The following SYDE2 variants were observed in gnomAD, a reference collection of about 807,000 sequenced individuals.
SYDE2 encodes synapse defective Rho GTPase homolog 2.
SYDE2 carries 76 observed loss-of-function variants against 91.5 expected under a neutral mutation model. That is an observed-to-expected ratio of 0.83 (90% CI 0.69 to 1.01). The LOEUF (loss-of-function observed/expected upper bound fraction) is 1.01, where lower values mean the gene tolerates loss of function less well. Among genes scored for constraint, SYDE2 ranks in the 50% least tolerant of loss-of-function variants. SYDE2 has a pLI of 0.00. For synonymous variants in SYDE2, 513 were observed against 506.4 expected (o/e 1.01, Z -0.18); for missense variants, 1,364 against 1,367.7 (o/e 1.00, Z 0.04).
At chr1:85,167,921 C>T (rs1657351322) in intron 5 of SYDE2, among the ~76,000 whole-genome samples, 3 of 151,878 alleles carry the variant, frequency 2.0e-5, no homozygotes, top group African/African-American at 7.3e-5. Context: ...TGGGACCAGC[C>T]TGGCCAACAT....
Position 85,200,920 on chromosome 1 carries a change from G to A in SYDE2, c.77C>T (p.Ala26Val), listed in dbSNP as rs1046296605. The change falls in exon 1 of 7, where the codon GCC (alanine) becomes GTC (valine). Residue 26 changes from alanine to valine, a missense_variant. Physicochemically the swap from Ala to Val is moderately conservative, Grantham distance 64. Coordinates refer to ENST00000341460, the MANE Select transcript of SYDE2 (RefSeq NM_032184.2). The stretch of plus-strand genomic sequence containing the variant: ...GGAAGGCGGCTGGCCCGGAGCCCGG[G>A]CTCCCGCGGGGAAGCTGTGATCCGC... Reference protein sequence around the residue: ...GLADHSFPAGARAPGQPPSRG... With the variant: ...GLADHSFPAGVRAPGQPPSRG... 2 of 1,320,528 alleles carry A rather than the reference G, an allele frequency of 1.5e-6. No homozygotes were observed. Among genetic ancestry groups the A allele is most frequent in the Non-Finnish European group, 1.9e-6 (2 of 1,044,382 alleles). The allele number at this position is 1,320,528 out of a possible 1,614,324, so 81.8% of individuals were successfully genotyped here.
At chr1:85,196,710 G>A (rs1658600332) in intron 1 of SYDE2, among the ~76,000 whole-genome samples, 1 of 151,760 alleles carries the variant, frequency 6.6e-6, no homozygotes, top group Non-Finnish European at 1.5e-5. Context: ...TATAACTATT[G>A]CTACTCACCT....
Position 85,200,335 on chromosome 1 carries a change from G to A in SYDE2, c.662C>T (p.Ala221Val). 1 of 1,614,014 alleles carries A rather than the reference G, an allele frequency of 6.2e-7. No individual in the cohort carries two copies. Among genetic ancestry groups the A allele is most frequent in the Non-Finnish European group, 8.5e-7 (1 of 1,179,906 alleles). ...GTAPKVTGTQ[A>V]ASPNVGALKV... Reference sequence around the variant, plus strand: ...CAAAGCGCCCACATTTGGGGAGGCTGCCTGCGTTCCTGTGACTTTGGGAGC... The same window carrying A: ...CAAAGCGCCCACATTTGGGGAGGCTACCTGCGTTCCTGTGACTTTGGGAGC... The change falls in exon 1 of 7, where the codon GCA becomes GTA. Residue 221 changes from alanine (A) to valine (V), a missense_variant. Coordinates refer to ENST00000341460, the MANE Select transcript of SYDE2 (RefSeq NM_032184.2).
Position 85,182,887 on chromosome 1 carries a change from C to T in SYDE2, c.1755G>A (p.Lys585=), listed in dbSNP as rs545541943. 457 of 1,613,656 alleles carry T rather than the reference C, an allele frequency of 2.8e-4. 3 individuals carry two copies. The South Asian group carries it at 4.9e-3, about 17-fold the overall frequency. ...LPSGNTTTAA[K]RNVISRYHLD... ...GATGGTATCGGCTTATAACATTCCT[C>T]TTAGCAGCGGTGGTTGTGTTCCCAG... Residue 585 remains lysine (K), a synonymous_variant, in exon 3 of 7, where the codon AAG becomes AAA. Transcript: ENST00000341460.
rs776144220 is a variant in SYDE2 at position 85,183,212 on chromosome 1, G to A, written c.1442-12C>T. 6.6e-7 allele frequency: 1 copy of A among 1,522,300 alleles called. No homozygotes were observed. The highest frequency in any genetic ancestry group is 1.4e-5 in the African/African-American group (1 of 71,516). 94.3% of individuals were successfully genotyped at this position (1,522,300 alleles called of 1,614,324 possible). ...CAGGATCCCAGAACCTTAAAAGAAA[G>A]AAAGAAAAATACGTTATAAAGCAAT... is the stretch of plus-strand genomic sequence containing the variant. On this transcript the variant is annotated splice_polypyrimidine_tract_variant and intron_variant, in intron 2 of 6. Transcript: ENST00000341460.
intron 4 of SYDE2, 86 bp downstream of exon 4, chr1:85,178,060 A>C: frequency 8.8e-7 from 1 of 1,134,880 alleles, no homozygotes; most frequent in Non-Finnish European, 1.2e-6. Flanking sequence ...AACAAATTAA[A>C]TTTCAGCTAC....
chr1:85,181,963 T>C, intron 3 of SYDE2, 135 bp downstream of exon 3: 5 of 964,302 alleles, frequency 5.2e-6, no homozygotes, highest in South Asian at 2.0e-5. Flanking sequence ...TAAACAGTAA[T>C]GGAATAAAAA....
intron 5 of SYDE2, among the ~76,000 whole-genome samples, chr1:85,165,221 G>A (rs150149321): frequency 1.3e-5 from 2 of 152,206 alleles, no homozygotes; most frequent in Admixed American, 6.5e-5. Flanking sequence ...GTGGCTGAAC[G>A]AGACCCTGTC....
rs999900951 is a variant in SYDE2 at position 85,157,021 on chromosome 1, T to C, written c.*1729A>G. On this transcript the variant is annotated 3_prime_UTR_variant, in exon 7 of 7. Coordinates refer to ENST00000341460, the MANE Select transcript of SYDE2 (RefSeq NM_032184.2). ...CTGTTTACTCAATATATATGTTCTC[T>C]TGGTATTCTTCTGAATTGTTAACAC... is the stretch of plus-strand genomic sequence containing the variant. 1.4e-4 allele frequency: 22 copies of C among 152,178 alleles called. No homozygotes were observed. Among genetic ancestry groups the C allele is most frequent in the African/African-American group, 5.1e-4 (21 of 41,580 alleles). The allele number at this position is 152,178 out of a possible 1,614,324, so 9.4% of individuals were successfully genotyped here.
At chr1:85,172,954 T>C (rs967267834) in intron 4 of SYDE2, among the ~76,000 whole-genome samples, 7 of 152,170 alleles carry the variant, frequency 4.6e-5, no homozygotes, top group African/African-American at 1.7e-4. Context: ...CTTGGAGTTT[T>C]CATAGTGTGG....
At chr1:85,195,033 G>A (rs1477959374) in intron 1 of SYDE2, among the ~76,000 whole-genome samples, 2 of 152,018 alleles carry the variant, frequency 1.3e-5, no homozygotes, top group South Asian at 2.1e-4. Flanking sequence ...GGTGGCGGGC[G>A]CCTGTAGTCC....
At position 85,187,740 on chromosome 1, in the gene SYDE2, A is replaced by G. The variant is rs555311895; in HGVS notation, c.1441+2317T>C. On this transcript the variant is annotated intron_variant, in intron 2 of 6. Transcript: ENST00000341460. Reference sequence around the variant, plus strand: ...AGGGACATGGATGAAATTGGAAATCATCATTCTCAGTAAACTATCTCAAGG... The same window carrying G: ...AGGGACATGGATGAAATTGGAAATCGTCATTCTCAGTAAACTATCTCAAGG... Among the ~76,000 whole-genome samples the G allele has an allele frequency of 8.0e-3, 1,217 of 152,008 alleles. 13 individuals are homozygous for G. The highest frequency in any genetic ancestry group is 0.028 in the African/African-American group (1,158 of 41,456).
At chr1:85,188,157 T>C (rs1658225889) in intron 2 of SYDE2, among the ~76,000 whole-genome samples, 1 of 152,198 alleles carries the variant, frequency 6.6e-6, no homozygotes, top group Non-Finnish European at 1.5e-5. Flanking sequence ...CGTCGCTATC[T>C]GTGATACTAT....
At chr1:85,195,584 T>C (rs1287366001) in intron 1 of SYDE2, among the ~76,000 whole-genome samples, 1 of 149,676 alleles carries the variant, frequency 6.7e-6, no homozygotes, top group African/African-American at 2.4e-5. Flanking sequence ...AAAAAAAAGC[T>C]GTGTGTTAGC....
Position 85,190,395 on chromosome 1 carries a change from C to G in SYDE2, c.1103G>C (p.Gly368Ala), listed in dbSNP as rs1398082455. The change falls in exon 2 of 7, where the codon GGA becomes GCA. Residue 368 changes from glycine (G) to alanine (A), a missense_variant. Transcript: ENST00000341460. Reference sequence around the variant, plus strand: ...AGGAATGGGATTGTACCATATTTCTCCTTCATCATCTGCATCATTTTCCTC... The same window carrying G: ...AGGAATGGGATTGTACCATATTTCTGCTTCATCATCTGCATCATTTTCCTC... ...FNEENDADDEGEIWYNPIPED... is the reference protein window; with the variant it reads ...FNEENDADDEAEIWYNPIPED... 1.2e-6 allele frequency: 2 copies of G among 1,613,738 alleles called. No individual in the cohort carries two copies. Among genetic ancestry groups the G allele is most frequent in the African/African-American group, 2.7e-5 (2 of 74,926 alleles).
intron 2 of SYDE2, among the ~76,000 whole-genome samples, chr1:85,187,425 A>T (rs1570266754): frequency 6.6e-6 from 1 of 151,974 alleles, no homozygotes; most frequent in African/African-American, 2.4e-5. Flanking sequence ...GTGGGACTGT[A>T]AACTAGTTCA....
chr1:85,165,494 C>A (rs969972715), intron 5 of SYDE2, among the ~76,000 whole-genome samples: 4 of 152,066 alleles, frequency 2.6e-5, no homozygotes, highest in Non-Finnish European at 5.9e-5. Context: ...AGGAAGCTAA[C>A]CATTCCGGAA....
intron 6 of SYDE2, among the ~76,000 whole-genome samples, chr1:85,163,442 A>ATATATATATAT (rs1657137232): frequency 2.0e-5 from 1 of 50,736 alleles, no homozygotes; most frequent in Non-Finnish European, 4.7e-5. Context: ...CTTGTACTTT[A>ATATATATATAT]ATCTATATAT....
At position 85,157,840 on chromosome 1, in the gene SYDE2, T is replaced by G. The variant is rs552989573; in HGVS notation, c.*910A>C. On this transcript the variant is annotated 3_prime_UTR_variant, in exon 7 of 7. Transcript: ENST00000341460. ...CAATAACCCCTCCCCCATCCTGATATCTATACATATATGCATTTATAAATA... is the reference window on the plus strand; with the variant it reads ...CAATAACCCCTCCCCCATCCTGATAGCTATACATATATGCATTTATAAATA... 3 of 152,318 alleles carry G rather than the reference T, an allele frequency of 2.0e-5. No homozygotes were observed. Among genetic ancestry groups the G allele is most frequent in the Non-Finnish European group, 4.4e-5 (3 of 68,020 alleles). The allele number at this position is 152,318 out of a possible 1,614,324, so 9.4% of individuals were successfully genotyped here.
Sources: gnomAD v4.1 joint callset for allele counts (sites outside exome capture counted in the v4.1 genomes callset) on GRCh38, gnomAD v4.1.1 for gene constraint, MANE v1.5 for transcripts, NCBI Gene and HGNC (gene_info 2026-07-23, HGNC 2026-07-21) for gene names.